The following SPTBN5 variants were observed in gnomAD, a reference collection of about 807,000 sequenced individuals.
The protein encoded by SPTBN5 is spectrin beta, non-erythrocytic 5, also known as spectrin beta chain, non-erythrocytic 5.
In SPTBN5, 513 loss-of-function variants were observed where a neutral mutation model predicts 477.6. The observed-to-expected ratio is 1.07, with a 90% confidence interval of 1.00 to 1.16. The LOEUF is 1.16. SPTBN5 is among the 50% of genes most tolerant of loss of function. SPTBN5 has a pLI of 0.00. For missense variants in SPTBN5, 5,062 were observed against 4,731.8 expected, an observed-to-expected ratio of 1.07 and a Z score of -2.05; for synonymous variants, 2,169 against 2,011.7, an observed-to-expected ratio of 1.08 and a Z score of -2.09.
chr15:41,866,195 CG>C lies in SPTBN5; in HGVS notation c.6664del (p.Arg2222GlufsTer19). ...CAGCCGCTGGGAGACCTCTCCGGCT[CG>C]AGGGTGACTCTGTGCCAGGAGAGCC... ...GEALLAQSHPRAGEVSQRLQG... is the reference protein window; with the variant it reads ...GEALLAQSHPXAGEVSQRLQG... On this transcript the variant is annotated frameshift_variant, in exon 38 of 68. Coordinates refer to ENST00000320955, the MANE Select transcript of SPTBN5 (RefSeq NM_016642.4). LOFTEE classifies it high-confidence loss of function. 1 of 1,583,312 alleles carries C rather than the reference CG, an allele frequency of 6.3e-7. No individual in the cohort carries two copies. The highest frequency in any genetic ancestry group is 2.3e-5 in the East Asian group (1 of 43,686).
Position 41,885,787 on chromosome 15 carries a change from C to G in SPTBN5, c.1468G>C (p.Ala490Pro). The G allele has an allele frequency of 6.4e-7, 1 of 1,557,940 alleles. No individual in the cohort carries two copies. The highest frequency in any genetic ancestry group is 1.2e-5 in the South Asian group (1 of 84,498). Residue 490 changes from alanine (A) to proline (P), a missense_variant, in exon 7 of 68, where the codon GCA (alanine) becomes CCA (proline). By Grantham distance (27) the Ala-to-Pro change is conservative. Transcript: ENST00000320955. ...EGRFQALAEI[A>P]DILRQEQYHS... ...TACTGCTCCTGCCGGAGGATGTCTG[C>G]GATCTCAGCCAGGGCCTGGAAGCGC... is the stretch of plus-strand genomic sequence containing the variant.
Position 41,876,152 on chromosome 15 carries a change from G to T in SPTBN5, c.4084C>A (p.Leu1362Ile). ...LKRHEAAESE[L>I]LATRRHVEAL... The stretch of plus-strand genomic sequence containing the variant: ...TCCACGTGTCTGCGGGTGGCGAGTA[G>T]CTCGCTCTCAGCTGCTTCGTGCCGC... The change falls in exon 21 of 68, where the codon CTA (leucine) becomes ATA (isoleucine). Residue 1362 changes from leucine (L) to isoleucine (I), a missense_variant. Physicochemically the swap from Leu to Ile is conservative, Grantham distance 5. Transcript: ENST00000320955. 6.2e-7 allele frequency: 1 copy of T among 1,604,328 alleles called. No individual in the cohort carries two copies.
intron 4 of SPTBN5, among the ~76,000 whole-genome samples, chr15:41,889,729 A>G (rs2067253329): frequency 6.6e-6 from 1 of 152,202 alleles, no homozygotes; most frequent in South Asian, 2.1e-4. Flanking sequence ...CATTTTTCCC[A>G]ACAGTACATT....
In SPTBN5 at chr15:41,868,560, G is replaced by A; in HGVS notation, c.5895C>T (p.Asp1965=). The A allele has an allele frequency of 1.9e-6, 3 of 1,603,376 alleles. No homozygotes were observed. Among genetic ancestry groups the A allele is most frequent in the Non-Finnish European group, 2.5e-6 (3 of 1,179,712 alleles). The stretch of plus-strand genomic sequence containing the variant: ...CTTGCGAACTCTCCTCCACCTGCAG[G>A]TCCTGGCGCACGCGGGCTGCCCAGG... ...YASWAARVRQ[D]LQVEESSQEP... Residue 1965 remains aspartate (D), a synonymous_variant, in exon 33 of 68, where the codon GAC becomes GAT. Coordinates refer to ENST00000320955, the MANE Select transcript of SPTBN5 (RefSeq NM_016642.4).
In SPTBN5 at chr15:41,863,891, C is replaced by T. The variant is rs1436913561; in HGVS notation, c.7034+18G>A. On this transcript the variant is annotated intron_variant, in intron 40 of 67. Transcript: ENST00000320955. Reference sequence around the variant, plus strand: ...CCCCTCTTCCCGGCCCTTTGGTTCTCCCCAGCCTGGGACTGGCCTGTTGTT... The same window carrying T: ...CCCCTCTTCCCGGCCCTTTGGTTCTTCCCAGCCTGGGACTGGCCTGTTGTT... 6.2e-7 allele frequency: 1 copy of T among 1,613,508 alleles called. No homozygotes were observed. The highest frequency in any genetic ancestry group is 1.3e-5 in the African/African-American group (1 of 75,066).
At chr15:41,851,006 C>A (rs2140908301) in intron 65 of SPTBN5, 53 bp downstream of exon 65, 1 of 1,593,358 alleles carries the variant, frequency 6.3e-7, no homozygotes, top group East Asian at 2.3e-5. Flanking sequence ...CCAGCCCCCG[C>A]TGAGCCAGGT....
At position 41,870,435 on chromosome 15, in the gene SPTBN5, C is replaced by T. The variant is rs1391726689; in HGVS notation, c.5562+11G>A. 1 of 1,613,232 alleles carries T rather than the reference C, an allele frequency of 6.2e-7. No homozygotes were observed. Among genetic ancestry groups the T allele is most frequent in the Admixed American group, 1.7e-5 (1 of 59,984 alleles). ...AGTGTATCCACTTCTAGCCACCCCT[C>T]CGGCTCACACCTGGACCTGGGTGAG... On this transcript the variant is annotated intron_variant, in intron 30 of 67. Coordinates refer to ENST00000320955, the MANE Select transcript of SPTBN5 (RefSeq NM_016642.4).
At chr15:41,849,468 CTTGGAGA>C (rs1268186468) in intron 67 of SPTBN5, among the ~76,000 whole-genome samples, 2 of 152,116 alleles carry the variant, frequency 1.3e-5, no homozygotes, top group Admixed American at 1.3e-4. Context: ...TGTGCTGTGC[CTTGGAGA>C]GGGGAGAGGA....
At chr15:41,880,398 T>C in intron 13 of SPTBN5, 86 bp from the exon 14 acceptor site, 1 of 1,398,978 alleles carries the variant, frequency 7.1e-7, no homozygotes. Context: ...CTCCTCCCCA[T>C]CCCAGCCCAC....
chr15:41,888,986 CG>C (rs1264061416), intron 4 of SPTBN5, among the ~76,000 whole-genome samples: 1 of 152,178 alleles, frequency 6.6e-6, no homozygotes, highest in African/African-American at 2.4e-5. Context: ...TGTGAGGGAT[CG>C]GGGCTAGCCT....
intron 66 of SPTBN5, 28 bp downstream of exon 66, chr15:41,850,826 C>T: frequency 1.3e-6 from 2 of 1,561,882 alleles, no homozygotes; most frequent in Non-Finnish European, 1.7e-6. Flanking sequence ...GTCGGCCGCC[C>T]TCCCCGCATC....
Position 41,887,949 on chromosome 15 carries a change from T to A in SPTBN5, c.638A>T (p.Asn213Ile). The change falls in exon 5 of 68, where the codon AAT becomes ATT. Residue 213 changes from asparagine to isoleucine, a missense_variant. Transcript: ENST00000320955. ...SRSWSDGLGF[N>I]ALIHAHRPDL... ...ACACCTGTGGGCATGGATGAGGGCA[T>A]TGAAGCCCAGCCCATCGCTCCAGCT... 1 of 1,610,030 alleles carries A rather than the reference T, an allele frequency of 6.2e-7. No homozygotes were observed. The highest frequency in any genetic ancestry group is 2.2e-5 in the East Asian group (1 of 44,814).
rs767296160 is a variant in SPTBN5, at chr15:41,854,167, C to T, written c.9657G>A (p.Gln3219=). The T allele has an allele frequency of 1.3e-6, 2 of 1,599,412 alleles. No individual in the cohort carries two copies. The highest frequency in any genetic ancestry group is 1.7e-6 in the Non-Finnish European group (2 of 1,173,368). The change falls in exon 57 of 68, where the codon CAG becomes CAA. Residue 3219 remains glutamine (Q), a synonymous_variant. Coordinates refer to ENST00000320955, the MANE Select transcript of SPTBN5 (RefSeq NM_016642.4). The part of the protein sequence containing the change: ...AAAHEVHSFQ[Q]AAAELQGRMQ... ...TCCTTCCCTGGAGCTCAGCTGCTGC[C>T]TGCTGAAAGCTGTGGACCTCATGGG... is the stretch of plus-strand genomic sequence containing the variant.
chr15:41,879,418 C>T lies in SPTBN5; in HGVS notation c.3024G>A (p.Glu1008=), dbSNP rs2066869146. 6.2e-7 allele frequency: 1 copy of T among 1,610,114 alleles called. No individual in the cohort carries two copies. Among genetic ancestry groups the T allele is most frequent in the African/African-American group, 1.3e-5 (1 of 74,908 alleles). The change falls in exon 16 of 68, where the codon GAG becomes GAA. Residue 1008 remains glutamate (E), a synonymous_variant. Transcript: ENST00000320955. The part of the protein sequence containing the change: ...HSVEVCSFLQ[E]CGPTQVQLRD... Reference sequence around the variant, plus strand: ...GCAGCTGGACCTGTGTGGGTCCACACTCCTGCAGAAAACTGCACACTTCCA... The same window carrying T: ...GCAGCTGGACCTGTGTGGGTCCACATTCCTGCAGAAAACTGCACACTTCCA...
At chr15:41,870,041 A>T in intron 31 of SPTBN5, 21 bp from the exon 32 acceptor site, 1 of 1,464,972 alleles carries the variant, frequency 6.8e-7, no homozygotes, top group Non-Finnish European at 9.0e-7. Context: ...GGCAGGGAAT[A>T]GGGAGGCAAG....
Position 41,848,643 on chromosome 15 carries a change from G to A in SPTBN5, c.11013-15C>T, listed in dbSNP as rs776580312. ...AGGGATCAGACCTGTTGGGAAAACG[G>A]AATGAATTTAGTAGGGTATGGCCAC... On this transcript the variant is annotated splice_polypyrimidine_tract_variant and intron_variant, in intron 67 of 67. Coordinates refer to ENST00000320955, the MANE Select transcript of SPTBN5 (RefSeq NM_016642.4). The A allele has an allele frequency of 8.7e-6, 14 of 1,613,700 alleles. No homozygotes were observed. The South Asian group carries it at 1.4e-4, about 16-fold the overall frequency.
At position 41,873,894 on chromosome 15, in the gene SPTBN5, G is replaced by A. The variant is rs1466273468; in HGVS notation, c.4841C>T (p.Ala1614Val). 3 of 1,611,166 alleles carry A rather than the reference G, an allele frequency of 1.9e-6. No homozygotes were observed. Among genetic ancestry groups the A allele is most frequent in the Admixed American group, 3.3e-5 (2 of 60,012 alleles). Reference sequence around the variant, plus strand: ...CAGACACTGGGCCCGCGCTTCACATGCCCTCTCCAGCTCTGCCCAGTGGCC... The same window carrying A: ...CAGACACTGGGCCCGCGCTTCACATACCCTCTCCAGCTCTGCCCAGTGGCC... ...LEGHWAELER[A>V]CEARAQCLQQ... Residue 1614 changes from alanine to valine, a missense_variant, in exon 25 of 68, where the codon GCA becomes GTA. Physicochemically the swap from Ala to Val is moderately conservative, Grantham distance 64. Coordinates refer to ENST00000320955, the MANE Select transcript of SPTBN5 (RefSeq NM_016642.4).
chr15:41,850,106 G>A, intron 66 of SPTBN5, 147 bp from the exon 67 acceptor site: 1 of 685,268 alleles, frequency 1.5e-6, no homozygotes, highest in Admixed American at 2.4e-5. Flanking sequence ...GGGGGTGTGG[G>A]GCGGGCTGAG....
At position 41,892,881 on chromosome 15, in the gene SPTBN5, C is replaced by G; in HGVS notation, c.384+13G>C. 3 of 1,586,372 alleles carry G rather than the reference C, an allele frequency of 1.9e-6. No individual in the cohort carries two copies. The highest frequency in any genetic ancestry group is 2.6e-6 in the Non-Finnish European group (3 of 1,170,768). On this transcript the variant is annotated intron_variant, in intron 3 of 67. Coordinates refer to ENST00000320955, the MANE Select transcript of SPTBN5 (RefSeq NM_016642.4). ...CCCCAGCACCATCCCAGACCCCTTT[C>G]CCTGGGGCCCACCTTGGCCCTGAGG...
Sources: allele counts gnomAD v4.1 joint callset (sites outside exome capture counted in the v4.1 genomes callset), GRCh38; gene constraint gnomAD v4.1.1; transcripts MANE v1.5; gene names NCBI Gene and HGNC (gene_info 2026-07-23, HGNC 2026-07-21).